The following CLUAP1 variants were observed in gnomAD, a reference collection of about 807,000 sequenced individuals.
CLUAP1 encodes clusterin-associated protein 1.
Under a neutral mutation model 55.0 loss-of-function variants are expected in CLUAP1, and 50 were observed. The observed-to-expected ratio is 0.91, with a 90% confidence interval of 0.72 to 1.15. The LOEUF (loss-of-function observed/expected upper bound fraction) is 1.15, where lower values mean the gene tolerates loss of function less well. CLUAP1 is among the 50% of genes most tolerant of loss of function. The pLI, the probability that CLUAP1 is intolerant of heterozygous loss-of-function variation, is 0.00. For synonymous variants in CLUAP1, 195 were observed against 175.4 expected, an observed-to-expected ratio of 1.11 and a Z score of -0.88; for missense variants, 530 against 507.6, an observed-to-expected ratio of 1.04 and a Z score of -0.42.
chr16:3,512,434 G>A lies in CLUAP1; in HGVS notation c.451G>A (p.Gly151Arg). 6.2e-7 allele frequency: 1 copy of A among 1,614,088 alleles called. No individual in the cohort carries two copies. The highest frequency in any genetic ancestry group is 1.3e-5 in the African/African-American group (1 of 75,036). The change falls in exon 5 of 12, where the codon GGA becomes AGA. Residue 151 changes from glycine (G) to arginine (R), a missense_variant. By Grantham distance (125) the Gly-to-Arg change is moderately radical. Transcript: ENST00000576634. ...GCTTGCGTCTGAAATCACCTCCAAA[G>A]GAGCATCTCTGTATGACTTGCTCGG... The part of the protein sequence containing the change: ...RQLASEITSK[G>R]ASLYDLLGME...
chr16:3,518,848 C>T (rs992985172), intron 6 of CLUAP1, among the ~76,000 whole-genome samples: 1 of 152,062 alleles, frequency 6.6e-6, no homozygotes, highest in Non-Finnish European at 1.5e-5. Flanking sequence ...AGTGTCTGGG[C>T]TTCGTAGGCC....
intron 5 of CLUAP1, among the ~76,000 whole-genome samples, chr16:3,513,869 C>T (rs1168405452): frequency 1.8e-4 from 28 of 152,194 alleles, no homozygotes; most frequent in Non-Finnish European, 1.5e-4. Context: ...GCAAGAGTGC[C>T]AGCCATGGCT....
chr16:3,529,725 TTA>T (rs1158753456), intron 9 of CLUAP1, among the ~76,000 whole-genome samples: 5 of 37,288 alleles, frequency 1.3e-4, no homozygotes, highest in African/African-American at 6.8e-4. Flanking sequence ...ATATTATATA[TTA>T]TATATATTAT....
At position 3,532,820 on chromosome 16, in the gene CLUAP1, A is replaced by G. The variant is rs996956040; in HGVS notation, c.1071A>G (p.Gln357=). The G allele has an allele frequency of 2.5e-6, 4 of 1,614,134 alleles. No homozygotes were observed. In the African/African-American group the frequency reaches 4.0e-5, roughly 16 times the overall value. ...GCAAACGCATTGTGGGCACGATGCA[A>G]GGTGGAGACTCCGATGACAATGTAA... ...RPGKRIVGTM[Q]GGDSDDNEDS... is the part of the protein sequence containing the mutation. The change falls in exon 11 of 12, where the codon CAA becomes CAG. Residue 357 remains glutamine, a synonymous_variant. Transcript: ENST00000576634.
chr16:3,522,707 C>A (rs1567434511), intron 7 of CLUAP1, among the ~76,000 whole-genome samples: 1 of 152,090 alleles, frequency 6.6e-6, no homozygotes, highest in Non-Finnish European at 1.5e-5. Flanking sequence ...TGAGCCGATG[C>A]ACCCAGCCTG....
At chr16:3,525,370 C>G (rs1416518833) in intron 8 of CLUAP1, among the ~76,000 whole-genome samples, 1 of 152,144 alleles carries the variant, frequency 6.6e-6, no homozygotes, top group Non-Finnish European at 1.5e-5. Flanking sequence ...GGGAGCCCCT[C>G]TACCCTACCC....
upstream of CLUAP1, chr16:3,496,445 G>A: frequency 1.0e-6 from 1 of 985,378 alleles, no homozygotes; most frequent in South Asian, 1.3e-5. Context: ...CAAAACGGCC[G>A]TGGTTGTGGG....
chr16:3,531,055 C>G (rs2038105895), intron 10 of CLUAP1, among the ~76,000 whole-genome samples: 1 of 152,218 alleles, frequency 6.6e-6, no homozygotes, highest in Admixed American at 6.5e-5. Flanking sequence ...TTACTCATCA[C>G]AAAAGATTCA....
chr16:3,505,744 ATTTCT>A (rs910915823), intron 2 of CLUAP1, among the ~76,000 whole-genome samples: 1 of 152,088 alleles, frequency 6.6e-6, no homozygotes, highest in Non-Finnish European at 1.5e-5. Flanking sequence ...AATAATGGAG[ATTTCT>A]TTTTCTGTGA....
intron 7 of CLUAP1, among the ~76,000 whole-genome samples, chr16:3,522,244 A>C (rs1167222717): frequency 6.6e-6 from 1 of 151,286 alleles, no homozygotes; most frequent in African/African-American, 2.4e-5. Context: ...GCTCACTGCA[A>C]CCTCCACCTC....
chr16:3,529,803 T>A (rs9925417), intron 9 of CLUAP1, among the ~76,000 whole-genome samples: 24,416 of 43,614 alleles, frequency 0.56, 6,400 homozygotes, highest in African/African-American at 0.68. Flanking sequence ...ATTATATTAT[T>A]ATATATATAT....
Position 3,536,834 on chromosome 16 carries a change from C to G in CLUAP1, c.*563C>G, listed in dbSNP as rs1248098150. ...AATGTATTTTAATAACTAAACTTTT[C>G]TGAAAGAAGGTTAGCTAAAGTTAAA... On this transcript the variant is annotated 3_prime_UTR_variant, in exon 12 of 12. Coordinates refer to ENST00000576634, the MANE Select transcript of CLUAP1 (RefSeq NM_015041.3). 1 of 152,212 alleles carries G rather than the reference C, an allele frequency of 6.6e-6. No homozygotes were observed. The highest frequency in any genetic ancestry group is 1.5e-5 in the Non-Finnish European group (1 of 68,056). 9.4% of individuals were successfully genotyped at this position (152,212 alleles called of 1,614,324 possible).
At chr16:3,503,313 C>T (rs1279783819) in intron 1 of CLUAP1, among the ~76,000 whole-genome samples, 1 of 152,170 alleles carries the variant, frequency 6.6e-6, no homozygotes, top group African/African-American at 2.4e-5. Context: ...CAGGTGCCCG[C>T]CACCACACCT....
chr16:3,532,827 G>C lies in CLUAP1; in HGVS notation c.1078G>C (p.Asp360His). 6.2e-7 allele frequency: 1 copy of C among 1,614,164 alleles called. No homozygotes were observed. Among genetic ancestry groups the C allele is most frequent in the Non-Finnish European group, 8.5e-7 (1 of 1,180,028 alleles). Residue 360 changes from aspartate to histidine, a missense_variant, in exon 11 of 12, where the codon GAC becomes CAC. Coordinates refer to ENST00000576634, the MANE Select transcript of CLUAP1 (RefSeq NM_015041.3). ...KRIVGTMQGGDSDDNEDSEES... is the reference protein window; with the variant it reads ...KRIVGTMQGGHSDDNEDSEES... Reference sequence around the variant, plus strand: ...CATTGTGGGCACGATGCAAGGTGGAGACTCCGATGACAATGTAAGTCCCCC... The same window carrying C: ...CATTGTGGGCACGATGCAAGGTGGACACTCCGATGACAATGTAAGTCCCCC...
intron 2 of CLUAP1, 76 bp from the exon 3 acceptor site, chr16:3,506,255 C>G: frequency 8.4e-7 from 1 of 1,186,030 alleles, no homozygotes; most frequent in South Asian, 1.2e-5. Context: ...CCGCTGTCCT[C>G]TCAGTTGCCC....
At chr16:3,496,404 T>A (rs1456701668), upstream of CLUAP1, 2 of 1,082,270 alleles carry the variant, frequency 1.8e-6, no homozygotes, top group African/African-American at 1.6e-5. Flanking sequence ...TCCCGGATGA[T>A]CCGGAAGATG....
At chr16:3,536,007 C>T (rs1443498804) in intron 11 of CLUAP1, 115 bp from the exon 12 acceptor site, 3 of 1,284,134 alleles carry the variant, frequency 2.3e-6, no homozygotes, top group Middle Eastern at 2.5e-4. Context: ...GCCACTCTGC[C>T]AGCCTCTTCC....
chr16:3,533,273 A>C, intron 11 of CLUAP1: 1 of 791,420 alleles, frequency 1.3e-6, no homozygotes. Context: ...GGCCACTCAA[A>C]AGAGATCCTG....
At chr16:3,531,258 C>T (rs990255573) in intron 10 of CLUAP1, among the ~76,000 whole-genome samples, 4 of 152,152 alleles carry the variant, frequency 2.6e-5, no homozygotes, top group Non-Finnish European at 5.9e-5. Flanking sequence ...CGGTGGCTCA[C>T]GCCTGTAATC....
Sources: allele counts gnomAD v4.1 joint callset (sites outside exome capture counted in the v4.1 genomes callset), GRCh38; gene constraint gnomAD v4.1.1; transcripts MANE v1.5; gene names NCBI Gene and HGNC (gene_info 2026-07-23, HGNC 2026-07-21).